Variants in CFAP54 observed in about 807,000 individuals in gnomAD.
The protein encoded by CFAP54 is cilia- and flagella-associated protein 54.
In CFAP54, 290 loss-of-function variants were observed where a neutral mutation model predicts 370.4. That is an observed-to-expected ratio of 0.78 (90% CI 0.71 to 0.86). The LOEUF is 0.86. CFAP54 is among the 40% of genes least tolerant of loss of function. CFAP54 has a pLI of 0.00. For synonymous variants in CFAP54, 1,206 were observed against 1,236.5 expected (o/e 0.98, Z 0.52); for missense variants, 3,399 against 3,528.7 (o/e 0.96, Z 0.93).
At chr12:96,544,133 C>T (rs1955610206) in intron 14 of CFAP54, among the ~76,000 whole-genome samples, 1 of 151,938 alleles carries the variant, frequency 6.6e-6, no homozygotes, top group African/African-American at 2.4e-5. Flanking sequence ...GGAAACCTTC[C>T]CAATAACATA....
chr12:96,673,245 G>A (rs913641599), intron 39 of CFAP54, among the ~76,000 whole-genome samples: 5 of 152,264 alleles, frequency 3.3e-5, no homozygotes, highest in Middle Eastern at 3.4e-3. Context: ...ACTAGTAAGT[G>A]GTGGGCCTGT....
intron 26 of CFAP54, among the ~76,000 whole-genome samples, chr12:96,608,342 C>T (rs890967620): frequency 4.6e-5 from 7 of 151,644 alleles, no homozygotes; most frequent in African/African-American, 1.5e-4. Context: ...CACATACGCA[C>T]ACACATACAT....
intron 50 of CFAP54, among the ~76,000 whole-genome samples, chr12:96,725,791 A>G (rs1957825315): frequency 6.6e-6 from 1 of 152,152 alleles, no homozygotes; most frequent in Admixed American, 6.5e-5. Flanking sequence ...TTGCCCATTC[A>G]GTATGATATT....
At chr12:96,641,996 T>C (rs1050244776) in intron 32 of CFAP54, among the ~76,000 whole-genome samples, 22 of 151,424 alleles carry the variant, frequency 1.5e-4, no homozygotes, top group African/African-American at 5.3e-4. Context: ...AGTTAATGGG[T>C]GCAGCCCACC....
chr12:96,580,533 A>AT (rs550226480), intron 20 of CFAP54, 64 bp from the exon 21 acceptor site: 340 of 860,698 alleles, frequency 4.0e-4, no homozygotes, highest in African/African-American at 1.7e-3. Context: ...TTAGAAAAGT[A>AT]TTTTTTTTGT....
At chr12:96,703,810 A>G (rs564789601) in intron 46 of CFAP54, among the ~76,000 whole-genome samples, 37 of 152,300 alleles carry the variant, frequency 2.4e-4, no homozygotes, top group South Asian at 1.9e-3. Context: ...GTGGGAGTGT[A>G]AATTGAGCCA....
intron 55 of CFAP54, among the ~76,000 whole-genome samples, chr12:96,748,433 CCTT>C (rs1385349315): frequency 1.3e-5 from 2 of 151,998 alleles, no homozygotes; most frequent in Admixed American, 6.6e-5. Context: ...CTTCTTCCCT[CCTT>C]CTTTTCGTTC....
intron 15 of CFAP54, among the ~76,000 whole-genome samples, chr12:96,552,404 C>G (rs936423662): frequency 1.3e-5 from 2 of 152,078 alleles, no homozygotes; most frequent in East Asian, 3.9e-4. Flanking sequence ...AGTGCAGTGG[C>G]ATGATCAGGG....
At chr12:96,585,464 C>T (rs550804827) in intron 22 of CFAP54, among the ~76,000 whole-genome samples, 1 of 152,324 alleles carries the variant, frequency 6.6e-6, no homozygotes, top group East Asian at 1.9e-4. Flanking sequence ...CTGCTTAAAT[C>T]TCACCTTCCT....
chr12:96,772,384 T>C (rs1958471690), intron 60 of CFAP54, among the ~76,000 whole-genome samples: 1 of 152,162 alleles, frequency 6.6e-6, no homozygotes, highest in African/African-American at 2.4e-5. Context: ...TTTCCCAGCT[T>C]CTAGAGGCCA....
chr12:96,824,726 C>T (rs1959067515), intron 65 of CFAP54, among the ~76,000 whole-genome samples: 1 of 152,102 alleles, frequency 6.6e-6, no homozygotes, highest in Admixed American at 6.6e-5. Context: ...TCACTTCCTA[C>T]CCAAACTGTT....
Position 96,658,347 on chromosome 12 carries a change from G to GT in CFAP54, c.5460+2dup. ...GTATGAGGCTGAATATGGAGAGAAG[G>GT]TAAGTTTAAGTTAGTTCTATTATTC... On this transcript the variant is annotated splice_donor_variant, in intron 38 of 67. Coordinates refer to ENST00000524981, the MANE Select transcript of CFAP54 (RefSeq NM_001306084.2). LOFTEE classifies it high-confidence loss of function. The GT allele has an allele frequency of 6.3e-7, 1 of 1,587,358 alleles. No individual in the cohort carries two copies. The highest frequency in any genetic ancestry group is 8.6e-7 in the Non-Finnish European group (1 of 1,157,410).
chr12:96,744,095 A>T lies in CFAP54; in HGVS notation c.7633A>T (p.Asn2545Tyr). ...TGCAAATCCATTACAGCCTTTGAAA[A>T]ATATCTATCTTCCCCATGTCATGTT... Reference protein sequence around the residue: ...KYANPLQPLKNIYLPHVMLLA... With the variant: ...KYANPLQPLKYIYLPHVMLLA... Residue 2545 changes from asparagine (N) to tyrosine (Y), a missense_variant, in exon 55 of 68, where the codon AAT becomes TAT. Around this residue, in one of 3 missense-constraint regions of CFAP54, gnomAD observed 2,796 missense variants for 2,869.7 expected, o/e 0.97. Transcript: ENST00000524981. 1 of 1,610,542 alleles carries T rather than the reference A, an allele frequency of 6.2e-7. No homozygotes were observed. The highest frequency in any genetic ancestry group is 8.5e-7 in the Non-Finnish European group (1 of 1,177,350).
chr12:96,678,240 A>C (rs1385628407), intron 39 of CFAP54, among the ~76,000 whole-genome samples: 4 of 152,112 alleles, frequency 2.6e-5, no homozygotes. Context: ...GTTAACTTCT[A>C]TACCCCTTCG....
At chr12:96,840,624 TTC>T (rs1491475801) in intron 66 of CFAP54, among the ~76,000 whole-genome samples, 26,963 of 125,356 alleles carry the variant, frequency 0.22, 2,523 homozygotes, top group South Asian at 0.33. Flanking sequence ...CTCTGTTTCT[TTC>T]TTTTTTTTTT....
intron 45 of CFAP54, among the ~76,000 whole-genome samples, chr12:96,694,189 A>G (rs955299304): frequency 6.6e-6 from 1 of 152,218 alleles, no homozygotes; most frequent in Non-Finnish European, 1.5e-5. Context: ...GAATTTTTCA[A>G]TGCACAGGTA....
In CFAP54 at chr12:96,630,497, C is replaced by T. The variant is rs1332407304; in HGVS notation, c.4216-54C>T. 2.3e-5 allele frequency: 21 copies of T among 911,694 alleles called. No homozygotes were observed. The East Asian group carries it at 5.3e-4, about 23-fold the overall frequency. 56.5% of individuals were successfully genotyped at this position (911,694 alleles called of 1,614,324 possible). ...AGCATTAGAGTATGAATAAATTATACTACTGTGTTCAAAGTTTAAATTTAA... is the reference window on the plus strand; with the variant it reads ...AGCATTAGAGTATGAATAAATTATATTACTGTGTTCAAAGTTTAAATTTAA... On this transcript the variant is annotated intron_variant, in intron 31 of 67. Transcript: ENST00000524981.
chr12:96,525,970 C>T (rs778397342), intron 8 of CFAP54, among the ~76,000 whole-genome samples: 12 of 152,184 alleles, frequency 7.9e-5, no homozygotes, highest in African/African-American at 1.2e-4. Flanking sequence ...AGGCGTGAGC[C>T]GCCGCACCCA....
chr12:96,712,834 T>C (rs1463912605), intron 48 of CFAP54, among the ~76,000 whole-genome samples: 1 of 152,044 alleles, frequency 6.6e-6, no homozygotes, highest in Non-Finnish European at 1.5e-5. Flanking sequence ...AATAACCCAA[T>C]AGCAAAAGAA....
Sources: gnomAD v4.1 joint callset for allele counts (sites outside exome capture counted in the v4.1 genomes callset) on GRCh38, gnomAD v4.1.1 for gene constraint, gnomAD v4.1.1 regional missense constraint, MANE v1.5 for transcripts, NCBI Gene and HGNC (gene_info 2026-07-23, HGNC 2026-07-21) for gene names.